Variants in NTRK2 observed in about 807,000 individuals in gnomAD.
NTRK2 encodes the protein BDNF/NT-3 growth factors receptor.
A neutral mutation model predicts 94.5 loss-of-function variants in NTRK2; 13 were observed. The ratio of observed to expected loss-of-function variants is 0.14; its 90% CI spans 0.09 to 0.22. The LOEUF is 0.22. Among genes scored for constraint, NTRK2 ranks in the 10% least tolerant of loss-of-function variants. NTRK2 has a pLI of 1.00. For missense variants in NTRK2, 639 were observed against 1,071.2 expected (o/e 0.60, Z 5.63); for synonymous variants, 372 against 407.4 (o/e 0.91, Z 1.05).
In NTRK2 at chr9:84,737,787, C is replaced by G. The variant is rs529746399; in HGVS notation, c.1160-4105C>G. Reference sequence around the variant, plus strand: ...CCAATAGGCAGTTTTTCAGCCTTCCCCCCCATCCGTCTCTCTCCATCTTCA... The same window carrying G: ...CCAATAGGCAGTTTTTCAGCCTTCCGCCCCATCCGTCTCTCTCCATCTTCA... On this transcript the variant is annotated intron_variant, in intron 9 of 18. Coordinates refer to ENST00000277120, the MANE Select transcript of NTRK2 (RefSeq NM_006180.6). Among the ~76,000 whole-genome samples, 3 of 148,370 alleles carry G rather than the reference C, an allele frequency of 2.0e-5. No individual in the cohort carries two copies. In the South Asian group the frequency reaches 6.2e-4, roughly 31 times the overall value.
intron 11 of NTRK2, among the ~76,000 whole-genome samples, chr9:84,747,392 GTTGT>G (rs2064174987): frequency 6.7e-6 from 1 of 150,306 alleles, no homozygotes; most frequent in African/African-American, 2.4e-5. Flanking sequence ...GTGTAAGAAA[GTTGT>G]TTGTGTACGT....
At chr9:84,808,156 C>A (rs1430806329) in intron 12 of NTRK2, among the ~76,000 whole-genome samples, 1 of 152,138 alleles carries the variant, frequency 6.6e-6, no homozygotes, top group Non-Finnish European at 1.5e-5. Flanking sequence ...AGGGCCAGGG[C>A]AGTTGCATCC....
chr9:84,963,183 T>C (rs1825158818), intron 17 of NTRK2, among the ~76,000 whole-genome samples: 1 of 152,234 alleles, frequency 6.6e-6, no homozygotes, highest in Non-Finnish European at 1.5e-5. Context: ...AGGGCATAAA[T>C]CTTTCCTAGA....
chr9:85,018,781 A>G (rs896020960), intron 17 of NTRK2, among the ~76,000 whole-genome samples: 1 of 152,210 alleles, frequency 6.6e-6, no homozygotes, highest in Non-Finnish European at 1.5e-5. Context: ...TCAGACATCA[A>G]GTAAGACCAT....
At chr9:84,872,872 A>G in intron 14 of NTRK2, 1 of 1,065,306 alleles carries the variant, frequency 9.4e-7, no homozygotes, top group Non-Finnish European at 1.1e-6. Context: ...GCTATCACAC[A>G]AGGCACCCAT....
chr9:84,763,628 C>T (rs2065786261), intron 12 of NTRK2, among the ~76,000 whole-genome samples: 1 of 152,106 alleles, frequency 6.6e-6, no homozygotes, highest in African/African-American at 2.4e-5. Flanking sequence ...CCCAAATTTC[C>T]AGCATGTTTT....
At chr9:84,996,563 T>G (rs1297881374) in intron 17 of NTRK2, among the ~76,000 whole-genome samples, 1 of 152,172 alleles carries the variant, frequency 6.6e-6, no homozygotes, top group Non-Finnish European at 1.5e-5. Flanking sequence ...CTGCCCACAC[T>G]GTGTGAATCT....
chr9:84,845,250 T>TAC (rs58910921), intron 12 of NTRK2, among the ~76,000 whole-genome samples: 4,452 of 147,952 alleles, frequency 0.03, 99 homozygotes, highest in African/African-American at 0.061. Context: ...ATGTGGTGTA[T>TAC]ACACACACAC....
At chr9:84,804,714 A>G (rs1446326904) in intron 12 of NTRK2, among the ~76,000 whole-genome samples, 2 of 152,186 alleles carry the variant, frequency 1.3e-5, no homozygotes, top group East Asian at 1.9e-4. Flanking sequence ...GATGACATAT[A>G]TTGCTTATCT....
At position 85,023,859 on chromosome 9, in the gene NTRK2, A is replaced by G. The variant is rs1832908050; in HGVS notation, c.*2422A>G. The G allele has an allele frequency of 1.3e-5, 3 of 229,216 alleles. No homozygotes were observed. The highest frequency in any genetic ancestry group is 1.3e-3 in the Middle Eastern group (1 of 780). 14.2% of individuals were successfully genotyped at this position (229,216 alleles called of 1,614,324 possible). Reference sequence around the variant, plus strand: ...TCGGGGGAAAAGCTACAAGTTATTTATTTTATTTTAAGAGAATAAAGTAGG... The same window carrying G: ...TCGGGGGAAAAGCTACAAGTTATTTGTTTTATTTTAAGAGAATAAAGTAGG... On this transcript the variant is annotated 3_prime_UTR_variant, in exon 19 of 19. Coordinates refer to ENST00000277120, the MANE Select transcript of NTRK2 (RefSeq NM_006180.6).
At position 84,863,251 on chromosome 9, in the gene NTRK2, C is replaced by T. The variant is rs141906922; in HGVS notation, c.1444+2164C>T. On this transcript the variant is annotated intron_variant, in intron 13 of 18. Transcript: ENST00000277120. ...TGATTCTTATCACAGGAAATTAAGT[C>T]TACATTAGGCTTAGAAATGTCTGTA... Among the ~76,000 whole-genome samples the T allele has an allele frequency of 4.6e-3, 708 of 152,260 alleles. 13 individuals carry two copies. Among genetic ancestry groups the T allele is most frequent in the Admixed American group, 0.038 (576 of 15,292 alleles).
intron 12 of NTRK2, among the ~76,000 whole-genome samples, chr9:84,764,475 C>T (rs1309823180): frequency 1.3e-5 from 2 of 152,150 alleles, no homozygotes; most frequent in African/African-American, 4.8e-5. Flanking sequence ...CTTGATGACT[C>T]TTCCTTGAGG....
rs114530090 is a variant in NTRK2, at chr9:84,759,168, T to C, written c.1396+7083T>C. 4.7e-3 allele frequency among the ~76,000 whole-genome samples: 720 copies of C among 152,340 alleles called. 8 individuals carry two copies. Among genetic ancestry groups the C allele is most frequent in the African/African-American group, 0.016 (682 of 41,582 alleles). On this transcript the variant is annotated intron_variant, in intron 12 of 18. Transcript: ENST00000277120. ...AAATGAATCTAGAGAAAAGAATTAG[T>C]CCAAGTGTTCCTTTTCTGTTGTTTG...
chr9:84,822,246 C>A (rs1278382372), intron 12 of NTRK2, among the ~76,000 whole-genome samples: 1 of 152,138 alleles, frequency 6.6e-6, no homozygotes, highest in East Asian at 1.9e-4. Context: ...CTTCTTTTCC[C>A]TTGACACTCC....
chr9:85,016,282 C>T (rs1287221916), intron 17 of NTRK2, among the ~76,000 whole-genome samples: 1 of 152,182 alleles, frequency 6.6e-6, no homozygotes, highest in Non-Finnish European at 1.5e-5. Context: ...ACTAGAACTC[C>T]AGTCTCTTGG....
intron 16 of NTRK2, among the ~76,000 whole-genome samples, chr9:84,949,164 G>A (rs1450467219): frequency 6.6e-6 from 1 of 152,132 alleles, no homozygotes; most frequent in Non-Finnish European, 1.5e-5. Flanking sequence ...AGAATAACCA[G>A]GAGGCCAGTA....
At chr9:84,939,255 G>T (rs2078322969) in intron 15 of NTRK2, among the ~76,000 whole-genome samples, 1 of 151,950 alleles carries the variant, frequency 6.6e-6, no homozygotes, top group Admixed American at 6.6e-5. Context: ...TAGATATATA[G>T]AGCTAATATT....
intron 17 of NTRK2, among the ~76,000 whole-genome samples, chr9:84,991,284 G>A (rs573555086): frequency 1.5e-3 from 222 of 152,324 alleles, no homozygotes; most frequent in Non-Finnish European, 2.7e-3. Context: ...TACATAGGTA[G>A]CATCTTGTTA....
At position 84,874,472 on chromosome 9, in the gene NTRK2, G is replaced by A. The variant is rs181882625; in HGVS notation, c.1633+7041G>A. On this transcript the variant is annotated intron_variant, in intron 14 of 18. Transcript: ENST00000277120. The stretch of plus-strand genomic sequence containing the variant: ...CTTCTCAGATTAATTGTCATGCCAG[G>A]TCTCCTTCCTGGGGAGCTGTGATGC... 3.8e-5 allele frequency: 41 copies of A among 1,065,984 alleles called. No homozygotes were observed. In the African/African-American group the frequency reaches 6.0e-4, roughly 16 times the overall value. 66.0% of individuals were successfully genotyped at this position (1,065,984 alleles called of 1,614,324 possible).
Sources: gnomAD v4.1 joint callset for allele counts (sites outside exome capture counted in the v4.1 genomes callset) on GRCh38, gnomAD v4.1.1 for gene constraint, MANE v1.5 for transcripts, NCBI Gene and HGNC (gene_info 2026-07-23, HGNC 2026-07-21) for gene names.